MSRA: variants seen among roughly 807,000 people sequenced by gnomAD.
MSRA encodes the protein mitochondrial peptide methionine sulfoxide reductase.
A neutral mutation model predicts 31.3 loss-of-function variants in MSRA; 54 were observed. The observed-to-expected ratio is 1.73, with a 90% CI of 1.39 to 2.17. MSRA has a LOEUF of 2.17. Among genes scored for constraint, MSRA ranks in the 30% most tolerant of loss-of-function variants. The pLI, the probability that MSRA is intolerant of heterozygous loss-of-function variation, is 0.00. For missense variants in MSRA, 507 were observed against 300.9 expected, an observed-to-expected ratio of 1.69 and a Z score of -5.07; for synonymous variants, 169 against 116.5, an observed-to-expected ratio of 1.45 and a Z score of -2.90.
At chr8:10,298,776 G>A (rs971296709) in intron 3 of MSRA, among the ~76,000 whole-genome samples, 1 of 152,150 alleles carries the variant, frequency 6.6e-6, no homozygotes, top group African/African-American at 2.4e-5. Flanking sequence ...CATCTTATGA[G>A]TATACCACGT....
At chr8:10,205,954 A>G (rs1026728900) in intron 1 of MSRA, among the ~76,000 whole-genome samples, 1 of 152,190 alleles carries the variant, frequency 6.6e-6, no homozygotes, top group African/African-American at 2.4e-5. Context: ...TTTCTAAGCA[A>G]TTCCTCTACT....
intron 3 of MSRA, among the ~76,000 whole-genome samples, chr8:10,284,173 A>G (rs1481199216): frequency 6.6e-6 from 1 of 152,054 alleles, no homozygotes; most frequent in Non-Finnish European, 1.5e-5. Context: ...CTGACTGAAG[A>G]GAGAATGAAT....
In MSRA at chr8:10,129,304, C is replaced by T. The variant is rs544331026; in HGVS notation, c.142+74646C>T. On this transcript the variant is annotated intron_variant, in intron 1 of 5. Transcript: ENST00000317173. ...GCAAGGATGTAAAGAGAAACAAACT[C>T]GGGCTTCAGGGTGAAAACCTTTGGC... 5.3e-5 allele frequency among the ~76,000 whole-genome samples: 8 copies of T among 152,186 alleles called. No individual in the cohort carries two copies. In the South Asian group the frequency reaches 6.2e-4, roughly 12 times the overall value.
At chr8:10,355,351 C>G (rs1226445878) in intron 5 of MSRA, among the ~76,000 whole-genome samples, 1 of 152,186 alleles carries the variant, frequency 6.6e-6, no homozygotes, top group Admixed American at 6.5e-5. Context: ...AGCTTTATCG[C>G]CGATAGATAT....
At chr8:10,218,437 G>T (rs1159396158) in intron 2 of MSRA, among the ~76,000 whole-genome samples, 3 of 152,190 alleles carry the variant, frequency 2.0e-5, no homozygotes, top group Non-Finnish European at 2.9e-5. Flanking sequence ...GAGCCACTGC[G>T]CCCGGCCCTG....
intron 4 of MSRA, among the ~76,000 whole-genome samples, chr8:10,315,831 G>A (rs568834828): frequency 6.6e-6 from 1 of 152,156 alleles, no homozygotes; most frequent in Non-Finnish European, 1.5e-5. Context: ...CAGACATGGA[G>A]TCCCAAAAGA....
chr8:10,358,642 G>GAGTGC (rs1804656782), intron 5 of MSRA, among the ~76,000 whole-genome samples: 1 of 129,060 alleles, frequency 7.7e-6, no homozygotes, highest in Non-Finnish European at 1.6e-5. Context: ...GCCCAGGCTG[G>GAGTGC]AGTGCAGTGG....
intron 5 of MSRA, among the ~76,000 whole-genome samples, chr8:10,369,131 G>A (rs1434853870): frequency 6.6e-6 from 1 of 152,056 alleles, no homozygotes; most frequent in Non-Finnish European, 1.5e-5. Context: ...ATTAAGTAGT[G>A]ACTGAGTATT....
intron 1 of MSRA, among the ~76,000 whole-genome samples, chr8:10,088,093 C>G (rs915369277): frequency 2.6e-5 from 4 of 152,060 alleles, no homozygotes; most frequent in African/African-American, 9.7e-5. Context: ...TTGAAAAACC[C>G]CAGGTATAGA....
chr8:10,187,731 G>T (rs892567256), intron 1 of MSRA, among the ~76,000 whole-genome samples: 4 of 152,160 alleles, frequency 2.6e-5, no homozygotes, highest in Admixed American at 6.5e-5. Flanking sequence ...ATCCTAGAAG[G>T]TCCTTTAAGT....
chr8:10,174,767 A>C lies in MSRA; in HGVS notation c.143-33066A>C, dbSNP rs1458379452. On this transcript the variant is annotated intron_variant, in intron 1 of 5. Coordinates refer to ENST00000317173, the MANE Select transcript of MSRA (RefSeq NM_012331.5). ...TCAGCGTGCTGCACTCAGACATCCA[A>C]CTGGAGGAGTCCATGAGCTGACCTC... Among the ~76,000 whole-genome samples the C allele has an allele frequency of 3.3e-5, 5 of 152,078 alleles. 1 individual carries two copies. The South Asian group carries it at 1.0e-3, about 32-fold the overall frequency.
intron 2 of MSRA, among the ~76,000 whole-genome samples, chr8:10,218,235 C>A (rs11249976): frequency 2.6e-5 from 4 of 151,504 alleles, no homozygotes; most frequent in Non-Finnish European, 4.4e-5. Flanking sequence ...CAACCTCTGC[C>A]TCCCAGGTTC....
In MSRA at chr8:10,243,843, C is replaced by A. The variant is rs189228577; in HGVS notation, c.212-1261C>A. Among the ~76,000 whole-genome samples, 3 of 152,018 alleles carry A rather than the reference C, an allele frequency of 2.0e-5. No individual in the cohort carries two copies. In the East Asian group the frequency reaches 5.8e-4, roughly 29 times the overall value. On this transcript the variant is annotated intron_variant, in intron 2 of 5. Transcript: ENST00000317173. ...AATTATGATATCACAAACATATTTCCATGTTGCAATATTATCACAAAATAA... is the reference window on the plus strand; with the variant it reads ...AATTATGATATCACAAACATATTTCAATGTTGCAATATTATCACAAAATAA...
chr8:10,152,607 C>G (rs1242039711), intron 1 of MSRA, among the ~76,000 whole-genome samples: 1 of 152,186 alleles, frequency 6.6e-6, no homozygotes, highest in Non-Finnish European at 1.5e-5. Context: ...GTTTTAGATT[C>G]TGTGGATCTC....
chr8:10,095,863 T>C, intron 1 of MSRA: 1 of 1,274,182 alleles, frequency 7.8e-7, no homozygotes, highest in Non-Finnish European at 1.0e-6. Context: ...ATTTGGGAAA[T>C]ACTATATTTG....
intron 2 of MSRA, among the ~76,000 whole-genome samples, chr8:10,225,838 C>T (rs1810953390): frequency 6.6e-6 from 1 of 152,110 alleles, no homozygotes; most frequent in African/African-American, 2.4e-5. Flanking sequence ...CTACCGGGTG[C>T]CAAGCCATGC....
intron 5 of MSRA, among the ~76,000 whole-genome samples, chr8:10,397,117 T>A (rs569312921): frequency 6.6e-6 from 1 of 152,374 alleles, no homozygotes; most frequent in African/African-American, 2.4e-5. Context: ...TATAGGACTC[T>A]ATGATCCGCA....
At chr8:10,074,951 G>C (rs565549686) in intron 1 of MSRA, among the ~76,000 whole-genome samples, 1 of 152,212 alleles carries the variant, frequency 6.6e-6, no homozygotes, top group South Asian at 2.1e-4. Flanking sequence ...GAGCCACCAC[G>C]CCCGGCACCC....
intron 5 of MSRA, among the ~76,000 whole-genome samples, chr8:10,426,604 C>T (rs545962078): frequency 6.6e-6 from 1 of 152,362 alleles, no homozygotes; most frequent in East Asian, 1.9e-4. Context: ...GAAGCAGGGC[C>T]TTGCTGGCAG....
Sources: gnomAD v4.1 joint callset for allele counts (sites outside exome capture counted in the v4.1 genomes callset) on GRCh38, gnomAD v4.1.1 for gene constraint, MANE v1.5 for transcripts, NCBI Gene and HGNC (gene_info 2026-07-23, HGNC 2026-07-21) for gene names.